NLGN4X: variants seen among roughly 807,000 people sequenced by gnomAD.
NLGN4X encodes neuroligin 4 X-linked, also known as neuroligin-4, X-linked.
Under a neutral mutation model 40.3 loss-of-function variants are expected in NLGN4X, and 3 were observed. The observed-to-expected ratio is 0.07, with a 90% CI of 0.03 to 0.19. The LOEUF is 0.19. Among genes scored for constraint, NLGN4X ranks in the 10% least tolerant of loss-of-function variants. The pLI is 1.00. For synonymous variants in NLGN4X, 270 were observed against 306.8 expected (o/e 0.88, Z 1.25); for missense variants, 382 against 708.3 (o/e 0.54, Z 5.23).
chrX:6,133,883 T>A (rs991719320), intron 2 of NLGN4X, among the ~76,000 whole-genome samples: 3 of 111,905 alleles, frequency 2.7e-5, no homozygotes, highest in African/African-American at 9.7e-5. Flanking sequence ...TAGTACATAT[T>A]GTAGACTTTG....
At chrX:5,976,156 T>C (rs1235886564) in intron 3 of NLGN4X, among the ~76,000 whole-genome samples, 1 of 112,702 alleles carries the variant, frequency 8.9e-6, no homozygotes, top group Non-Finnish European at 1.9e-5. Flanking sequence ...AGCTATCTTC[T>C]CTGACTTTAA....
chrX:6,115,085 T>C (rs1331161939), intron 2 of NLGN4X, among the ~76,000 whole-genome samples: 1 of 112,264 alleles, frequency 8.9e-6, no homozygotes, highest in African/African-American at 3.2e-5. Context: ...TTGGAATAAG[T>C]GTGCTCTTTT....
At chrX:6,100,602 G>A (rs1443488742) in intron 2 of NLGN4X, among the ~76,000 whole-genome samples, 5 of 111,675 alleles carry the variant, frequency 4.5e-5, no homozygotes, top group Non-Finnish European at 7.5e-5. Flanking sequence ...GTTGGCAAAG[G>A]AATCTTCTGC....
chrX:5,986,709 G>C (rs1253893592), intron 3 of NLGN4X, among the ~76,000 whole-genome samples: 1 of 111,888 alleles, frequency 8.9e-6, no homozygotes, highest in Non-Finnish European at 1.9e-5. Flanking sequence ...TAGAAAAACA[G>C]ATCAAAAACA....
intron 2 of NLGN4X, among the ~76,000 whole-genome samples, chrX:6,055,325 T>A (rs2037594184): frequency 8.9e-6 from 1 of 111,733 alleles, no homozygotes; most frequent in Non-Finnish European, 1.9e-5. Flanking sequence ...CAATACTCCA[T>A]CTCTACAAAG....
intron 3 of NLGN4X, among the ~76,000 whole-genome samples, chrX:5,939,652 C>T (rs1486125193): frequency 9.0e-6 from 1 of 111,640 alleles, no homozygotes; most frequent in Admixed American, 9.6e-5. Flanking sequence ...ATTAAGCTTT[C>T]CCTTTTCCAA....
intron 2 of NLGN4X, among the ~76,000 whole-genome samples, chrX:6,099,172 G>A (rs940744548): frequency 3.6e-5 from 4 of 111,708 alleles, no homozygotes; most frequent in African/African-American, 6.5e-5. Context: ...TTTTTGCTCC[G>A]TATTCAATGT....
chrX:5,986,664 C>G (rs192128462), intron 3 of NLGN4X, among the ~76,000 whole-genome samples: 1 of 111,448 alleles, frequency 9.0e-6, no homozygotes, highest in East Asian at 2.8e-4. Flanking sequence ...GTGAAGCACT[C>G]TAATCGAAAT....
At chrX:5,952,296 G>A (rs1012455116) in intron 3 of NLGN4X, among the ~76,000 whole-genome samples, 1 of 111,987 alleles carries the variant, frequency 8.9e-6, no homozygotes, top group Admixed American at 9.5e-5. Flanking sequence ...GGTCAGGCAC[G>A]TATTTCCAAA....
chrX:6,184,423 T>C (rs955204209), intron 1 of NLGN4X, among the ~76,000 whole-genome samples: 2 of 111,304 alleles, frequency 1.8e-5, no homozygotes, highest in African/African-American at 6.6e-5. Context: ...TTCCAAGTAA[T>C]TGAGAAGAAA....
chrX:6,058,305 TTTG>T (rs2037686325), intron 2 of NLGN4X, among the ~76,000 whole-genome samples: 2 of 111,794 alleles, frequency 1.8e-5, no homozygotes, highest in Admixed American at 9.5e-5. Flanking sequence ...TGCAGACAAG[TTTG>T]ACGTTGTCAA....
At chrX:5,901,782 A>G (rs1016880635) in intron 5 of NLGN4X, among the ~76,000 whole-genome samples, 8 of 107,125 alleles carry the variant, frequency 7.5e-5, no homozygotes, top group Non-Finnish European at 1.3e-4. Context: ...ATTTGTGTAT[A>G]TATATATTTG....
At chrX:6,004,004 C>T (rs982097686) in intron 3 of NLGN4X, among the ~76,000 whole-genome samples, 2 of 112,593 alleles carry the variant, frequency 1.8e-5, no homozygotes, top group Non-Finnish European at 3.8e-5. Flanking sequence ...GGTTCACCCC[C>T]GCTGGCCTGG....
intron 2 of NLGN4X, among the ~76,000 whole-genome samples, chrX:6,123,371 T>C (rs1036726152): frequency 1.8e-5 from 2 of 112,012 alleles, no homozygotes; most frequent in African/African-American, 6.5e-5. Context: ...CCAGTGAAAC[T>C]GTCATTTAAA....
At chrX:6,210,417 C>G (rs1342273514) in intron 1 of NLGN4X, among the ~76,000 whole-genome samples, 3 of 110,850 alleles carry the variant, frequency 2.7e-5, no homozygotes, top group Non-Finnish European at 3.8e-5. Context: ...AAGACCGCAT[C>G]GAGCTATGAT....
intron 1 of NLGN4X, among the ~76,000 whole-genome samples, chrX:6,155,999 G>A (rs539537637): frequency 1.7e-3 from 194 of 112,138 alleles, no homozygotes; most frequent in Middle Eastern, 4.6e-3. Context: ...ATTTCTCAAG[G>A]AACTTAAAAG....
intron 2 of NLGN4X, among the ~76,000 whole-genome samples, chrX:6,067,267 T>A (rs1236140059): frequency 8.9e-6 from 1 of 112,023 alleles, no homozygotes. Flanking sequence ...GTTCACTGCC[T>A]GTAAGGGATC....
chrX:6,013,265 A>G (rs1372920020), intron 3 of NLGN4X, among the ~76,000 whole-genome samples: 1 of 111,485 alleles, frequency 9.0e-6, no homozygotes, highest in African/African-American at 3.3e-5. Context: ...TGATACAGGT[A>G]TACATAGATA....
At chrX:5,975,281 A>G (rs566777541) in intron 3 of NLGN4X, among the ~76,000 whole-genome samples, 29 of 111,487 alleles carry the variant, frequency 2.6e-4, no homozygotes, top group African/African-American at 9.4e-4. Context: ...ATGTAGACCA[A>G]CCTGGCCAAC....
Sources: allele counts gnomAD v4.1 joint callset (sites outside exome capture counted in the v4.1 genomes callset), GRCh38; gene constraint gnomAD v4.1.1; transcripts MANE v1.5; gene names NCBI Gene and HGNC (gene_info 2026-07-23, HGNC 2026-07-21).